COL1A2: variants seen among roughly 807,000 people sequenced by gnomAD.
COL1A2 encodes collagen alpha-2(I) chain.
COL1A2 carries 49 observed loss-of-function variants against 174.3 expected under a neutral mutation model. The ratio of observed to expected loss-of-function variants is 0.28; its 90% CI spans 0.22 to 0.36. The LOEUF (loss-of-function observed/expected upper bound fraction) is 0.36. Among genes scored for constraint, COL1A2 ranks in the 10% least tolerant of loss-of-function variants. The probability of loss-of-function intolerance (pLI) is 1.00; values close to 1 mark genes in which losing one functional copy is unlikely to be tolerated. For missense variants in COL1A2, 1,438 were observed against 1,822.7 expected, an observed-to-expected ratio of 0.79 and a Z score of 3.84; for synonymous variants, 655 against 606.6, an observed-to-expected ratio of 1.08 and a Z score of -1.17.
intron 25 of COL1A2, 77 bp from the exon 26 acceptor site, chr7:94,413,006 A>G: frequency 7.0e-7 from 1 of 1,418,840 alleles, no homozygotes; most frequent in African/African-American, 1.4e-5. Context: ...AGGATTCAAC[A>G]TTGCAAAATC....
At chr7:94,425,464 G>A in intron 42 of COL1A2, 146 bp from the exon 43 acceptor site, 1 of 915,472 alleles carries the variant, frequency 1.1e-6, no homozygotes, top group Non-Finnish European at 1.7e-6. Flanking sequence ...TATCTAGGTT[G>A]GCAGGTTTTT....
At chr7:94,419,671 C>T in intron 34 of COL1A2, 120 bp downstream of exon 34, 1 of 1,094,264 alleles carries the variant, frequency 9.1e-7, no homozygotes, top group Non-Finnish European at 1.4e-6. Context: ...ATTTAAAAAC[C>T]TAGCTATTGT....
chr7:94,418,803 T>G (rs898555884), intron 33 of COL1A2, among the ~76,000 whole-genome samples: 2 of 151,990 alleles, frequency 1.3e-5, no homozygotes, highest in African/African-American at 4.8e-5. Flanking sequence ...TGATACCAAC[T>G]ACAAACTATA....
rs115028384 is a variant in COL1A2, at chr7:94,423,282, G to T, written c.2565+164G>T. On this transcript the variant is annotated intron_variant, in intron 40 of 51. Coordinates refer to ENST00000297268, the MANE Select transcript of COL1A2 (RefSeq NM_000089.4). ...GTCCAGCACACACTGAGGGGCTGTG[G>T]CTTCCAAGATGCTCAGAAAGCACAA... The T allele has an allele frequency of 1.9e-3, 1,473 of 784,256 alleles. 14 individuals carry two copies. In the African/African-American group the frequency reaches 0.024, roughly 13 times the overall value. 48.6% of individuals were successfully genotyped at this position (784,256 alleles called of 1,614,324 possible).
chr7:94,422,019 C>A, intron 39 of COL1A2, 67 bp downstream of exon 39: 1 of 1,382,108 alleles, frequency 7.2e-7, no homozygotes, highest in Non-Finnish European at 1.0e-6. Flanking sequence ...TGATAGGAAA[C>A]TGGTAAGAAA....
intron 3 of COL1A2, 142 bp from the exon 4 acceptor site, chr7:94,398,907 T>G: frequency 1.3e-6 from 1 of 792,362 alleles, no homozygotes; most frequent in South Asian, 1.5e-5. Context: ...TCTATTGCAT[T>G]GTGTCAATTT....
At position 94,400,222 on chromosome 7, in the gene COL1A2, T is replaced by C. The variant is rs201699348; in HGVS notation, c.159T>C (p.Asp53=). ...ERGPPGPPGR[D]GEDGPTGPPG... The stretch of plus-strand genomic sequence containing the variant: ...GTCCACCAGGCCCCCCAGGCAGAGA[T>C]GGTGAAGATGGTCCCACAGGCCCTC... The change falls in exon 5 of 52, where the codon GAT becomes GAC. Residue 53 remains aspartate (D), a synonymous_variant. Coordinates refer to ENST00000297268, the MANE Select transcript of COL1A2 (RefSeq NM_000089.4). The C allele has an allele frequency of 6.2e-7, 1 of 1,613,530 alleles. No individual in the cohort carries two copies. Among genetic ancestry groups the C allele is most frequent in the Non-Finnish European group, 8.5e-7 (1 of 1,179,948 alleles).
intron 5 of COL1A2, among the ~76,000 whole-genome samples, chr7:94,401,040 A>G (rs1465807212): frequency 6.6e-6 from 1 of 152,210 alleles, no homozygotes; most frequent in African/African-American, 2.4e-5. Flanking sequence ...ACTAGTTTTT[A>G]GAAGTTTTAT....
rs1237468257 is a variant in COL1A2, at chr7:94,430,573, A to G, written c.*180A>G. On this transcript the variant is annotated 3_prime_UTR_variant, in exon 52 of 52. Transcript: ENST00000297268. ...TCAGAGCATTGTGCAATACAGTTTCATTAACTCCTTCCCCCGCTCCCCCAA... is the reference window on the plus strand; with the variant it reads ...TCAGAGCATTGTGCAATACAGTTTCGTTAACTCCTTCCCCCGCTCCCCCAA... 1 of 669,912 alleles carries G rather than the reference A, an allele frequency of 1.5e-6. No individual in the cohort carries two copies. Among genetic ancestry groups the G allele is most frequent in the East Asian group, 2.8e-5 (1 of 36,266 alleles). 41.5% of individuals were successfully genotyped at this position (669,912 alleles called of 1,614,324 possible). A position where few individuals can be genotyped will look rare whatever the true frequency, so the allele number is the denominator to read the frequency against.
chr7:94,426,538 A>G lies in COL1A2; in HGVS notation c.3105+8A>G, dbSNP rs776131370. ...GGTCTGCCTGGTATCGCTGTAAGTA[A>G]ACTGTAGCCATCTCGCACATAAACT... On this transcript the variant is annotated splice_region_variant and intron_variant, in intron 46 of 51. Transcript: ENST00000297268. 15 of 1,587,528 alleles carry G rather than the reference A, an allele frequency of 9.4e-6. No individual in the cohort carries two copies. Among genetic ancestry groups the G allele is most frequent in the Non-Finnish European group, 1.2e-5 (14 of 1,165,268 alleles).
Position 94,426,862 on chromosome 7 carries a change from G to C in COL1A2, c.3106-146G>C. ...AAAATTGAATATAATAGACATAATG[G>C]GAGAAAAGAGCCCCACTTTACATTT... is the stretch of plus-strand genomic sequence containing the variant. On this transcript the variant is annotated intron_variant, in intron 46 of 51. Coordinates refer to ENST00000297268, the MANE Select transcript of COL1A2 (RefSeq NM_000089.4). The C allele has an allele frequency of 8.2e-6, 6 of 734,724 alleles. No individual in the cohort carries two copies. In the South Asian group the frequency reaches 1.0e-4, roughly 12 times the overall value. The allele number at this position is 734,724 out of a possible 1,614,324, so 45.5% of individuals were successfully genotyped here.
intron 12 of COL1A2, 49 bp downstream of exon 12, chr7:94,406,352 C>T (rs1473370880): frequency 6.5e-7 from 1 of 1,547,768 alleles, no homozygotes; most frequent in Non-Finnish European, 8.9e-7. Flanking sequence ...ATTGAAATTC[C>T]CCATGACCTC....
rs41317731 is a variant in COL1A2, at chr7:94,424,803, G to T, written c.2674-314G>T. The T allele has an allele frequency of 3.8e-3, 1,801 of 469,110 alleles. 24 individuals are homozygous for T. The highest frequency in any genetic ancestry group is 0.032 in the African/African-American group (1,652 of 51,004). 29.1% of individuals were successfully genotyped at this position (469,110 alleles called of 1,614,324 possible). On this transcript the variant is annotated intron_variant, in intron 41 of 51. Transcript: ENST00000297268. ...AATCGTTCCATTAAACCTTATACGT[G>T]ACAACAACTAGAAACCATCTCATCT...
chr7:94,405,688 C>T lies in COL1A2; in HGVS notation c.502C>T (p.Pro168Ser), dbSNP rs1339402780. 18 of 1,613,310 alleles carry T rather than the reference C, an allele frequency of 1.1e-5. No homozygotes were observed. The highest frequency in any genetic ancestry group is 1.7e-5 in the Admixed American group (1 of 59,992). The change falls in exon 11 of 52, where the codon CCT becomes TCT. Residue 168 changes from proline (P) to serine (S), a missense_variant. This residue lies in a region of COL1A2 where 281 missense variants were observed against 310.9 expected (regional missense o/e 0.90). Transcript: ENST00000297268. ...TCTTTCTAAGGGTGCTCGTGGTTTC[C>T]CTGGAACTCCTGGACTTCCTGGCTT... ...VVGPQGARGF[P>S]GTPGLPGFKG...
chr7:94,400,736 T>C (rs1461709267), intron 5 of COL1A2, among the ~76,000 whole-genome samples: 2 of 152,198 alleles, frequency 1.3e-5, no homozygotes, highest in Admixed American at 1.3e-4. Flanking sequence ...TGAAACTAAT[T>C]TGAGAAAAGT....
chr7:94,400,999 G>A (rs939694424), intron 5 of COL1A2, among the ~76,000 whole-genome samples: 3 of 152,202 alleles, frequency 2.0e-5, no homozygotes, highest in African/African-American at 7.2e-5. Context: ...CACTATAAGA[G>A]AGATCTTTAA....
intron 25 of COL1A2, 55 bp downstream of exon 25, chr7:94,412,737 C>G: frequency 6.8e-7 from 1 of 1,467,720 alleles, no homozygotes; most frequent in South Asian, 1.1e-5. Flanking sequence ...CAAATTTTAC[C>G]AAACTCTAGT....
intron 15 of COL1A2, 149 bp downstream of exon 15, chr7:94,408,529 T>C: frequency 7.3e-6 from 8 of 1,100,992 alleles, no homozygotes; most frequent in Non-Finnish European, 1.1e-5. Flanking sequence ...ATAAGTAGTG[T>C]AAGCCATTTA....
intron 39 of COL1A2, chr7:94,422,431 A>G (rs1174021277): frequency 6.2e-6 from 1 of 160,688 alleles, no homozygotes; most frequent in Non-Finnish European, 1.4e-5. Context: ...AAAAAAAAAT[A>G]GCAAAGATGT....
Sources: gnomAD v4.1 joint callset for allele counts (sites outside exome capture counted in the v4.1 genomes callset) on GRCh38, gnomAD v4.1.1 for gene constraint, gnomAD v4.1.1 regional missense constraint, MANE v1.5 for transcripts, NCBI Gene and HGNC (gene_info 2026-07-23, HGNC 2026-07-21) for gene names.